The following MYO1B variants were observed in gnomAD, a reference collection of about 807,000 sequenced individuals.
MYO1B encodes unconventional myosin-Ib.
In MYO1B, 72 loss-of-function variants were observed where a neutral mutation model predicts 159.7. The observed-to-expected ratio is 0.45, with a 90% CI of 0.37 to 0.55. The LOEUF (loss-of-function observed/expected upper bound fraction) is 0.55, where lower values mean the gene tolerates loss of function less well. MYO1B is among the 20% of genes least tolerant of loss of function. MYO1B has a pLI of 0.00. For synonymous variants in MYO1B, 468 were observed against 473.8 expected, an observed-to-expected ratio of 0.99 and a Z score of 0.16; for missense variants, 1,062 against 1,364.8, an observed-to-expected ratio of 0.78 and a Z score of 3.50.
intron 3 of MYO1B, among the ~76,000 whole-genome samples, chr2:191,301,018 A>G (rs910215287): frequency 1.3e-5 from 2 of 152,232 alleles, no homozygotes; most frequent in African/African-American, 2.4e-5. Context: ...TAGTCCCCCA[A>G]ACATGGAACT....
At chr2:191,257,237 G>A (rs141821437) in intron 1 of MYO1B, among the ~76,000 whole-genome samples, 111 of 152,116 alleles carry the variant, frequency 7.3e-4, no homozygotes, top group Middle Eastern at 3.4e-3. Flanking sequence ...TAAATTAATT[G>A]ATTAGTTAAT....
chr2:191,265,095 T>G (rs1454747), intron 1 of MYO1B, among the ~76,000 whole-genome samples: 146,725 of 152,046 alleles, frequency 0.97, 70,998 homozygotes, highest in East Asian at 1. Context: ...GGGATAATTT[T>G]CTTCCTTAAC....
chr2:191,375,869 G>A (rs972956973), intron 13 of MYO1B, among the ~76,000 whole-genome samples: 3 of 151,440 alleles, frequency 2.0e-5, no homozygotes, highest in African/African-American at 7.3e-5. Context: ...TGAGGCAGGA[G>A]AATCACTTGA....
Position 191,360,845 on chromosome 2 carries a change from G to A in MYO1B, c.661+116G>A, listed in dbSNP as rs767183851. The A allele has an allele frequency of 2.1e-5, 14 of 673,776 alleles. No homozygotes were observed. In the East Asian group the frequency reaches 3.4e-4, roughly 17 times the overall value. The allele number at this position is 673,776 out of a possible 1,614,324, so 41.7% of individuals were successfully genotyped here. On this transcript the variant is annotated intron_variant, in intron 8 of 30. Coordinates refer to ENST00000392318, the MANE Select transcript of MYO1B (RefSeq NM_001130158.3). ...CGGTCTCTAATTCCTGAGCTCAAGCGATTCTCCTGCCTTGGCTTCCCAGAG... is the reference window on the plus strand; with the variant it reads ...CGGTCTCTAATTCCTGAGCTCAAGCAATTCTCCTGCCTTGGCTTCCCAGAG...
At chr2:191,387,625 C>A in intron 17 of MYO1B, 175 bp downstream of exon 17, 1 of 634,228 alleles carries the variant, frequency 1.6e-6, no homozygotes, top group Non-Finnish European at 2.7e-6. Flanking sequence ...TATCCTTTCC[C>A]CTAAAATAAG....
chr2:191,251,648 G>T (rs749844720), intron 1 of MYO1B, among the ~76,000 whole-genome samples: 11 of 152,082 alleles, frequency 7.2e-5, no homozygotes, highest in Non-Finnish European at 1.6e-4. Context: ...ATGTATTTCA[G>T]AATTGTACAT....
intron 29 of MYO1B, 122 bp downstream of exon 29, chr2:191,414,791 T>C: frequency 1.0e-6 from 1 of 981,182 alleles, no homozygotes; most frequent in South Asian, 2.5e-5. Flanking sequence ...ATTTTGGATA[T>C]TCACCCCTAT....
intron 13 of MYO1B, among the ~76,000 whole-genome samples, chr2:191,380,067 A>C (rs1469962602): frequency 2.0e-5 from 3 of 152,238 alleles, no homozygotes; most frequent in African/African-American, 7.2e-5. Flanking sequence ...GTTTAGCATT[A>C]ACAAGATAAG....
chr2:191,288,612 A>G (rs910477673), intron 2 of MYO1B, among the ~76,000 whole-genome samples: 1 of 152,172 alleles, frequency 6.6e-6, no homozygotes, highest in Non-Finnish European at 1.5e-5. Context: ...GCACACAGAC[A>G]CTGGGAGCTT....
At chr2:191,312,333 G>C (rs1006724213) in intron 3 of MYO1B, among the ~76,000 whole-genome samples, 1 of 152,012 alleles carries the variant, frequency 6.6e-6, no homozygotes, top group African/African-American at 2.4e-5. Flanking sequence ...TCTATATTCT[G>C]TTTTACTCAC....
chr2:191,349,999 T>C (rs565035676), intron 6 of MYO1B, among the ~76,000 whole-genome samples, 163 bp from the exon 7 acceptor site: 1 of 152,340 alleles, frequency 6.6e-6, no homozygotes, highest in African/African-American at 2.4e-5. Context: ...GAATTATTTA[T>C]GGAGGCATGT....
chr2:191,362,509 T>C (rs1054403536), intron 9 of MYO1B, 138 bp downstream of exon 9: 1 of 547,962 alleles, frequency 1.8e-6, no homozygotes, highest in African/African-American at 1.9e-5. Context: ...AATTCTATTT[T>C]TGTTACTTTG....
At chr2:191,297,051 T>A (rs1359460883) in intron 3 of MYO1B, among the ~76,000 whole-genome samples, 1 of 152,248 alleles carries the variant, frequency 6.6e-6, no homozygotes, top group Non-Finnish European at 1.5e-5. Flanking sequence ...TTAAACTTTT[T>A]ATTTCTCAAA....
At chr2:191,303,326 CGT>C (rs1427081953) in intron 3 of MYO1B, among the ~76,000 whole-genome samples, 1 of 151,754 alleles carries the variant, frequency 6.6e-6, no homozygotes, top group Non-Finnish European at 1.5e-5. Context: ...GGTGTGTGTG[CGT>C]GTGTGTGTTG....
chr2:191,274,055 T>C (rs1411913159), intron 1 of MYO1B, among the ~76,000 whole-genome samples: 1 of 152,218 alleles, frequency 6.6e-6, no homozygotes, highest in Admixed American at 6.5e-5. Flanking sequence ...ACCGTTTCCT[T>C]AGTGTCCTAT....
At chr2:191,354,071 C>T (rs1370882901) in intron 7 of MYO1B, among the ~76,000 whole-genome samples, 1 of 152,022 alleles carries the variant, frequency 6.6e-6, no homozygotes, top group Non-Finnish European at 1.5e-5. Context: ...GCCTGATCAA[C>T]ATGGTGAAAC....
chr2:191,340,768 A>G (rs1312267207), intron 4 of MYO1B, among the ~76,000 whole-genome samples: 1 of 151,224 alleles, frequency 6.6e-6, no homozygotes, highest in Admixed American at 6.6e-5. Flanking sequence ...CTCTGTTGCC[A>G]AGGCTGGAGT....
chr2:191,414,250 T>C (rs973219490), intron 28 of MYO1B, 70 bp downstream of exon 28: 2 of 1,527,190 alleles, frequency 1.3e-6, no homozygotes, highest in Non-Finnish European at 8.8e-7. Flanking sequence ...GTTTTCTGAA[T>C]GTAAAAATTT....
chr2:191,360,751 G>GTTGT lies in MYO1B; in HGVS notation c.661+23_661+24insTGTT, dbSNP rs1553552026. Reference sequence around the variant, plus strand: ...CTCAGTAAGTCTCTGTTTCTATGTGGTGTTGTTGTTGTTGTTGTTGTTGTT... The same window carrying GTTGT: ...CTCAGTAAGTCTCTGTTTCTATGTGGTTGTTGTTGTTGTTGTTGTTGTTGTTGTT... On this transcript the variant is annotated intron_variant, in intron 8 of 30. Transcript: ENST00000392318. 4.5e-3 allele frequency: 5,017 copies of GTTGT among 1,118,136 alleles called. 58 individuals are homozygous for GTTGT. Among genetic ancestry groups the GTTGT allele is most frequent in the African/African-American group, 0.036 (2,143 of 59,042 alleles). The allele number at this position is 1,118,136 out of a possible 1,614,324, so 69.3% of individuals were successfully genotyped here. A position where few individuals can be genotyped will look rare whatever the true frequency, so the allele number is the denominator to read the frequency against.
Sources: gnomAD v4.1 joint callset for allele counts (sites outside exome capture counted in the v4.1 genomes callset) on GRCh38, gnomAD v4.1.1 for gene constraint, MANE v1.5 for transcripts, NCBI Gene and HGNC (gene_info 2026-07-23, HGNC 2026-07-21) for gene names.